RTRAF: variants seen among roughly 807,000 people sequenced by gnomAD.
RTRAF encodes the protein RNA transcription, translation and transport factor, also known as tRNA-splicing ligase complex subunit RTRAF.
Under a neutral mutation model 34.4 loss-of-function variants are expected in RTRAF, and 14 were observed. That is an observed-to-expected ratio of 0.41 (90% CI 0.27 to 0.64). The LOEUF is 0.64. RTRAF is among the 30% of genes least tolerant of loss of function. RTRAF has a pLI of 0.34. For synonymous variants in RTRAF, 96 were observed against 95.3 expected, an observed-to-expected ratio of 1.01 and a Z score of -0.04; for missense variants, 291 against 288.4, an observed-to-expected ratio of 1.01 and a Z score of -0.06.
chr14:52,000,717 G>A (rs1028064742), intron 5 of RTRAF, among the ~76,000 whole-genome samples: 2 of 152,088 alleles, frequency 1.3e-5, no homozygotes, highest in Non-Finnish European at 2.9e-5. Flanking sequence ...CATGCCAAAA[G>A]ACAAAAATGT....
rs1385254885 is a variant in RTRAF at position 52,001,533 on chromosome 14, G to GT, written c.463-259dup. 5.3e-5 allele frequency among the ~76,000 whole-genome samples: 8 copies of GT among 152,046 alleles called. No individual in the cohort carries two copies. In the East Asian group the frequency reaches 7.7e-4, roughly 15 times the overall value. On this transcript the variant is annotated intron_variant, in intron 5 of 7. Transcript: ENST00000261700. ...CATGTGTCTTGCTGTATTTAAAGTT[G>GT]TTTTTTACCAGTCACGTGCATTACC...
At chr14:51,993,869 G>A in intron 3 of RTRAF, 47 bp downstream of exon 3, 1 of 1,159,278 alleles carries the variant, frequency 8.6e-7, no homozygotes, top group Non-Finnish European at 1.2e-6. Flanking sequence ...GGAAAGATGG[G>A]AAAGGGAGTG....
intron 5 of RTRAF, 42 bp downstream of exon 5, chr14:51,999,838 T>G: frequency 6.7e-6 from 9 of 1,350,216 alleles, no homozygotes; most frequent in South Asian, 1.3e-5. Context: ...ACTGTGCACA[T>G]AGAAAAATGT....
chr14:52,007,761 A>G lies in RTRAF; in HGVS notation c.*3245A>G. On this transcript the variant is annotated 3_prime_UTR_variant, in exon 8 of 8. Transcript: ENST00000261700. ...TGTAGTAAAATCTGTTAGTGCTCAC[A>G]TTCACTGTGATGAGAGGTTATCTAT... The G allele has an allele frequency of 1.3e-6, 2 of 1,506,162 alleles. No individual in the cohort carries two copies. The highest frequency in any genetic ancestry group is 1.8e-6 in the Non-Finnish European group (2 of 1,091,294). 93.3% of individuals were successfully genotyped at this position (1,506,162 alleles called of 1,614,324 possible). A position where few individuals can be genotyped will look rare whatever the true frequency, so the allele number is the denominator to read the frequency against.
In RTRAF at chr14:52,007,785, A is replaced by G. The variant is rs765494115; in HGVS notation, c.*3269A>G. On this transcript the variant is annotated 3_prime_UTR_variant, in exon 8 of 8. Coordinates refer to ENST00000261700, the MANE Select transcript of RTRAF (RefSeq NM_016039.3). ...CATTCACTGTGATGAGAGGTTATCT[A>G]TTTGCATTCCATCAGTAGTATTACC... 27 of 1,600,470 alleles carry G rather than the reference A, an allele frequency of 1.7e-5. 1 individual carries two copies. The South Asian group carries it at 2.8e-4, about 16-fold the overall frequency.
chr14:52,004,255 G>A lies in RTRAF; in HGVS notation c.580+13G>A, dbSNP rs1474666322. 3 of 1,612,634 alleles carry A rather than the reference G, an allele frequency of 1.9e-6. No homozygotes were observed. The highest frequency in any genetic ancestry group is 2.2e-5 in the East Asian group (1 of 44,864). ...TTTGACACAGGAGGTAAGTGATTTT[G>A]TTTAAATTCAAACTATTTTTTTTAC... On this transcript the variant is annotated intron_variant, in intron 7 of 7. Coordinates refer to ENST00000261700, the MANE Select transcript of RTRAF (RefSeq NM_016039.3).
At chr14:52,002,008 C>T (rs1180400594) in intron 6 of RTRAF, 142 bp downstream of exon 6, 1 of 716,170 alleles carries the variant, frequency 1.4e-6, no homozygotes, top group African/African-American at 1.8e-5. Context: ...TTCAGTGCTT[C>T]CTAAAGCAAA....
chr14:51,994,934 C>G (rs1026721028), intron 3 of RTRAF, among the ~76,000 whole-genome samples: 8 of 151,894 alleles, frequency 5.3e-5, no homozygotes, highest in African/African-American at 1.2e-4. Context: ...TTCATTCTAT[C>G]TACACATCTA....
At chr14:52,001,979 T>TA (rs1340717626) in intron 6 of RTRAF, 113 bp downstream of exon 6, 12 of 929,040 alleles carry the variant, frequency 1.3e-5, no homozygotes, top group South Asian at 1.8e-5. Context: ...TTCTACAACT[T>TA]AGAGAAAGGA....
intron 3 of RTRAF, 186 bp from the exon 4 acceptor site, chr14:51,998,308 A>G: frequency 2.1e-6 from 1 of 467,650 alleles, no homozygotes. Context: ...CCATCCCCAA[A>G]ATATCCCATT....
At chr14:52,000,871 G>A (rs191918897) in intron 5 of RTRAF, among the ~76,000 whole-genome samples, 21 of 152,184 alleles carry the variant, frequency 1.4e-4, no homozygotes, top group Admixed American at 5.2e-4. Context: ...AGCGTATTTG[G>A]GATGCTTTTG....
Position 51,998,480 on chromosome 14 carries a change from G to T in RTRAF, c.287-14G>T. 6.8e-7 allele frequency: 1 copy of T among 1,472,710 alleles called. No homozygotes were observed. The highest frequency in any genetic ancestry group is 1.4e-5 in the African/African-American group (1 of 69,102). The allele number at this position is 1,472,710 out of a possible 1,614,324, so 91.2% of individuals were successfully genotyped here. A position where few individuals can be genotyped will look rare whatever the true frequency, so the allele number is the denominator to read the frequency against. ...TTGCAGTTGTACAAATTATATTTTT[G>T]CCTGTTTTTATAGCTGAAAAATACA... On this transcript the variant is annotated splice_polypyrimidine_tract_variant and intron_variant, in intron 3 of 7. Transcript: ENST00000261700.
Position 52,010,591 on chromosome 14 carries a change from A to G in RTRAF, c.*6075A>G, listed in dbSNP as rs905519753. The G allele has an allele frequency of 3.6e-6, 1 of 274,452 alleles. No individual in the cohort carries two copies. The highest frequency in any genetic ancestry group is 2.1e-5 in the African/African-American group (1 of 46,666). 17.0% of individuals were successfully genotyped at this position (274,452 alleles called of 1,614,324 possible). On this transcript the variant is annotated 3_prime_UTR_variant, in exon 8 of 8. Transcript: ENST00000261700. ...TGATCATTTGATTCAGAGTAGCCCT[A>G]GTTCTCACAACACTATCTGAATTTT...
intron 5 of RTRAF, among the ~76,000 whole-genome samples, chr14:52,000,505 A>C (rs893920958): frequency 6.6e-6 from 1 of 152,142 alleles, no homozygotes; most frequent in Non-Finnish European, 1.5e-5. Flanking sequence ...TAAGAGATTA[A>C]AAGCTTTTAA....
chr14:52,005,615 G>T lies in RTRAF; in HGVS notation c.*1099G>T. 2 of 1,427,294 alleles carry T rather than the reference G, an allele frequency of 1.4e-6. No homozygotes were observed. The highest frequency in any genetic ancestry group is 1.2e-5 in the South Asian group (1 of 85,024). The allele number at this position is 1,427,294 out of a possible 1,614,324, so 88.4% of individuals were successfully genotyped here. Reference sequence around the variant, plus strand: ...GGTAGATTTAAGGTAGTAAAGACTGGCCCTCAGGGCAGGAAGAAGGCAATG... The same window carrying T: ...GGTAGATTTAAGGTAGTAAAGACTGTCCCTCAGGGCAGGAAGAAGGCAATG... On this transcript the variant is annotated 3_prime_UTR_variant, in exon 8 of 8. Transcript: ENST00000261700.
chr14:52,004,135 G>A, intron 6 of RTRAF, 59 bp from the exon 7 acceptor site: 1 of 1,440,120 alleles, frequency 6.9e-7, no homozygotes, highest in South Asian at 1.2e-5. Flanking sequence ...AGTTTCAGTT[G>A]AGGAAAGGAT....
At chr14:51,999,479 A>G (rs1277518337) in intron 4 of RTRAF, 2 of 381,928 alleles carry the variant, frequency 5.2e-6, no homozygotes, top group Non-Finnish European at 9.4e-6. Context: ...TAACCATCCT[A>G]AGTTGGGGAC....
In RTRAF at chr14:52,005,732, T is replaced by C; in HGVS notation, c.*1216T>C. 1 of 1,607,380 alleles carries C rather than the reference T, an allele frequency of 6.2e-7. No individual in the cohort carries two copies. Among genetic ancestry groups the C allele is most frequent in the African/African-American group, 1.3e-5 (1 of 74,916 alleles). ...TAAAGGAGCATCCTAAAGCATACTT[T>C]TTACCTGTTGGGCAGTAGGGGTAGA... On this transcript the variant is annotated 3_prime_UTR_variant, in exon 8 of 8. Transcript: ENST00000261700.
chr14:51,991,381 T>G lies in RTRAF; in HGVS notation c.126T>G (p.Ile42Met), dbSNP rs1176867599. The change falls in exon 2 of 8, where the codon ATT (isoleucine) becomes ATG (methionine). Residue 42 changes from isoleucine to methionine, a missense_variant. Coordinates refer to ENST00000261700, the MANE Select transcript of RTRAF (RefSeq NM_016039.3). ...LEDQKIRHYKIEDRGNLRNIH... is the reference protein window; with the variant it reads ...LEDQKIRHYKMEDRGNLRNIH... The stretch of plus-strand genomic sequence containing the variant: ...ACCAGAAAATCAGGCACTACAAGAT[T>G]GAAGACAGAGGGAATTTAAGAAACA... 1.2e-6 allele frequency: 2 copies of G among 1,613,602 alleles called. No homozygotes were observed. The highest frequency in any genetic ancestry group is 1.7e-6 in the Non-Finnish European group (2 of 1,179,612).
Sources: gnomAD v4.1 joint callset for allele counts (sites outside exome capture counted in the v4.1 genomes callset) on GRCh38, gnomAD v4.1.1 for gene constraint, MANE v1.5 for transcripts, NCBI Gene and HGNC (gene_info 2026-07-23, HGNC 2026-07-21) for gene names.